NEGR1: variants seen among roughly 807,000 people sequenced by gnomAD.
The protein encoded by NEGR1 is neuronal growth regulator 1, also known as IgLON family member 4.
In NEGR1, 10 loss-of-function variants were observed where a neutral mutation model predicts 40.9. That is an observed-to-expected ratio of 0.24 (90% CI 0.15 to 0.42). The LOEUF is 0.42. Ranked by LOEUF, NEGR1 falls within the 10% of genes least tolerant of loss-of-function variation. NEGR1 has a pLI of 1.00. For missense variants in NEGR1, 352 were observed against 438.9 expected (o/e 0.80, Z 1.77); for synonymous variants, 185 against 166.8 (o/e 1.11, Z -0.84).
chr1:71,852,193 G>A (rs1167752996), intron 2 of NEGR1, among the ~76,000 whole-genome samples: 1 of 152,032 alleles, frequency 6.6e-6, no homozygotes, highest in African/African-American at 2.4e-5. Context: ...TACATAATAA[G>A]AGATTGCACT....
chr1:71,633,469 T>A (rs1325372736), intron 4 of NEGR1, among the ~76,000 whole-genome samples: 1 of 152,070 alleles, frequency 6.6e-6, no homozygotes, highest in Non-Finnish European at 1.5e-5. Context: ...AGTTTGAGTC[T>A]AAAAGTGGGA....
At chr1:71,806,218 T>A (rs996009052) in intron 2 of NEGR1, among the ~76,000 whole-genome samples, 2 of 151,952 alleles carry the variant, frequency 1.3e-5, no homozygotes, top group Non-Finnish European at 2.9e-5. Context: ...TATATTAAAG[T>A]TATATTAAAT....
chr1:72,035,958 AAT>A (rs1646898243), intron 1 of NEGR1, among the ~76,000 whole-genome samples: 1 of 152,178 alleles, frequency 6.6e-6, no homozygotes. Context: ...GTTGTATTGT[AAT>A]AGTTTCACAA....
At chr1:71,739,808 T>C (rs571391887) in intron 3 of NEGR1, among the ~76,000 whole-genome samples, 1 of 152,308 alleles carries the variant, frequency 6.6e-6, no homozygotes, top group South Asian at 2.1e-4. Context: ...CTATAGGTTT[T>C]GTCTTTATAA....
intron 1 of NEGR1, among the ~76,000 whole-genome samples, chr1:72,014,167 A>G (rs1268344952): frequency 6.6e-6 from 1 of 151,836 alleles, no homozygotes; most frequent in East Asian, 1.9e-4. Context: ...TTTTAAAGTT[A>G]TACTTATTAA....
intron 1 of NEGR1, among the ~76,000 whole-genome samples, chr1:72,212,368 G>A (rs993370791): frequency 6.6e-6 from 1 of 151,802 alleles, no homozygotes; most frequent in Non-Finnish European, 1.5e-5. Flanking sequence ...TGGCTCATTG[G>A]TTAAGCGTTA....
intron 1 of NEGR1, among the ~76,000 whole-genome samples, chr1:72,259,154 G>A (rs1655371724): frequency 6.6e-6 from 1 of 152,124 alleles, no homozygotes; most frequent in Non-Finnish European, 1.5e-5. Context: ...AAAGTTTGCA[G>A]TGTAGGATAT....
chr1:72,116,469 T>C (rs1649583436), intron 1 of NEGR1, among the ~76,000 whole-genome samples: 2 of 151,734 alleles, frequency 1.3e-5, no homozygotes, highest in Admixed American at 6.6e-5. Flanking sequence ...TCCTTAGTCA[T>C]ATGCGGACTT....
chr1:71,613,733 T>C (rs1650349156), intron 4 of NEGR1, among the ~76,000 whole-genome samples: 1 of 152,108 alleles, frequency 6.6e-6, no homozygotes. Flanking sequence ...TTTCCTATTC[T>C]GCCAAGTTTT....
chr1:71,855,921 A>C (rs1659745130), intron 2 of NEGR1, among the ~76,000 whole-genome samples: 1 of 152,066 alleles, frequency 6.6e-6, no homozygotes, highest in Non-Finnish European at 1.5e-5. Flanking sequence ...GTAAGCATAC[A>C]TATAATTGCA....
At chr1:72,240,484 T>C (rs1263109510) in intron 1 of NEGR1, among the ~76,000 whole-genome samples, 1 of 151,640 alleles carries the variant, frequency 6.6e-6, no homozygotes, top group Non-Finnish European at 1.5e-5. Flanking sequence ...TCAATGAAAA[T>C]TTTAAACAAG....
At chr1:71,442,245 T>A in intron 6 of NEGR1, among the ~76,000 whole-genome samples, 1 of 150,710 alleles carries the variant, frequency 6.6e-6, no homozygotes. Context: ...TTTTTTTTTT[T>A]TTTTTTACTG....
intron 1 of NEGR1, among the ~76,000 whole-genome samples, chr1:72,251,882 T>C (rs986271559): frequency 1.3e-5 from 2 of 152,160 alleles, no homozygotes; most frequent in Admixed American, 1.3e-4. Context: ...TGGCCAAACT[T>C]ACTTGTTTAC....
chr1:71,823,531 C>A lies in NEGR1; in HGVS notation c.410-47234G>T, dbSNP rs544114820. Reference sequence around the variant, plus strand: ...TTCCAGGTGATCCTTGCTGCCAAAACTGATAAAAATTGACTTGGCAATTTT... The same window carrying A: ...TTCCAGGTGATCCTTGCTGCCAAAAATGATAAAAATTGACTTGGCAATTTT... On this transcript the variant is annotated intron_variant, in intron 2 of 6. Coordinates refer to ENST00000357731, the MANE Select transcript of NEGR1 (RefSeq NM_173808.3). Among the ~76,000 whole-genome samples the A allele has an allele frequency of 5.9e-5, 9 of 152,104 alleles. No homozygotes were observed. The South Asian group carries it at 1.7e-3, about 28-fold the overall frequency.
intron 1 of NEGR1, among the ~76,000 whole-genome samples, chr1:71,957,423 T>C (rs996367555): frequency 3.9e-5 from 6 of 152,136 alleles, no homozygotes; most frequent in Non-Finnish European, 7.4e-5. Context: ...AGTCATTCTA[T>C]ATAAAAATGA....
At chr1:71,864,486 A>G (rs1660053917) in intron 2 of NEGR1, among the ~76,000 whole-genome samples, 1 of 152,210 alleles carries the variant, frequency 6.6e-6, no homozygotes, top group African/African-American at 2.4e-5. Context: ...ATTTCTCTGT[A>G]AAAGAATTGT....
chr1:72,181,875 G>A (rs1039824802), intron 1 of NEGR1, among the ~76,000 whole-genome samples: 3 of 152,118 alleles, frequency 2.0e-5, no homozygotes, highest in Admixed American at 6.5e-5. Context: ...AGTTACCAGA[G>A]GTTGGGAGAA....
intron 3 of NEGR1, among the ~76,000 whole-genome samples, chr1:71,719,686 T>A (rs1414031800): frequency 6.6e-6 from 1 of 152,072 alleles, no homozygotes; most frequent in Non-Finnish European, 1.5e-5. Context: ...TGCAGGTTTG[T>A]TACCTAGGTA....
At chr1:71,624,198 A>C (rs1017239955) in intron 4 of NEGR1, among the ~76,000 whole-genome samples, 22 of 151,992 alleles carry the variant, frequency 1.4e-4, no homozygotes, top group African/African-American at 5.3e-4. Context: ...AACATTTCTA[A>C]GTCTTGAGAG....
Sources: gnomAD v4.1 joint callset for allele counts (sites outside exome capture counted in the v4.1 genomes callset) on GRCh38, gnomAD v4.1.1 for gene constraint, MANE v1.5 for transcripts, NCBI Gene and HGNC (gene_info 2026-07-23, HGNC 2026-07-21) for gene names.